The following MTM1 variants were observed in gnomAD, a reference collection of about 807,000 sequenced individuals.
MTM1 encodes the protein myotubularin.
In MTM1, 9 loss-of-function variants were observed where a neutral mutation model predicts 52.1. The ratio of observed to expected loss-of-function variants is 0.17; its 90% confidence interval spans 0.10 to 0.30. The LOEUF is 0.30. Among genes scored for constraint, MTM1 ranks in the 10% least tolerant of loss-of-function variants. MTM1 has a pLI of 1.00. For missense variants in MTM1, 277 were observed against 470.7 expected, an observed-to-expected ratio of 0.59 and a Z score of 3.81; for synonymous variants, 136 against 163.8, an observed-to-expected ratio of 0.83 and a Z score of 1.29.
At chrX:150,582,812 A>G (rs1397836618) in intron 1 of MTM1, among the ~76,000 whole-genome samples, 2 of 108,291 alleles carry the variant, frequency 1.8e-5, no homozygotes, top group Non-Finnish European at 3.8e-5. Context: ...TTGGGCCTCC[A>G]GAACTGTGAG....
intron 4 of MTM1, among the ~76,000 whole-genome samples, chrX:150,613,076 G>A (rs1314078917): frequency 6.6e-5 from 7 of 106,288 alleles, no homozygotes; most frequent in Non-Finnish European, 1.9e-5. Context: ...AGCCTGGGAC[G>A]TCAAGGCTGC....
intron 14 of MTM1, among the ~76,000 whole-genome samples, chrX:150,670,592 G>A (rs1231352674): frequency 1.8e-5 from 2 of 111,963 alleles, no homozygotes; most frequent in Non-Finnish European, 3.8e-5. Flanking sequence ...TTGGAAAAAA[G>A]AATAATAATC....
chrX:150,636,695 A>G (rs185100915), intron 6 of MTM1, among the ~76,000 whole-genome samples: 2 of 112,478 alleles, frequency 1.8e-5, no homozygotes, highest in African/African-American at 6.5e-5. Flanking sequence ...TTAAAGTGAC[A>G]GTAGAGCCTT....
intron 10 of MTM1, among the ~76,000 whole-genome samples, chrX:150,657,214 A>G (rs1226415012): frequency 1.8e-5 from 2 of 110,777 alleles, no homozygotes; most frequent in Non-Finnish European, 3.8e-5. Flanking sequence ...CAAAGACTTG[A>G]AACCAACCCA....
chrX:150,670,168 T>C (rs782118794), intron 14 of MTM1, among the ~76,000 whole-genome samples: 39 of 112,490 alleles, frequency 3.5e-4, no homozygotes, highest in Non-Finnish European at 4.9e-4. Flanking sequence ...GAGCTGAACA[T>C]CTGAAGATTT....
chrX:150,671,587 C>T lies in MTM1; in HGVS notation c.1804C>T (p.His602Tyr), dbSNP rs1300878676. The part of the protein sequence containing the change: ...PSQMMPHVQT[H>Y]F ...GCAAATGATGCCCCATGTGCAAACTCACTTCTGAGGGGGGACCCTGGCACC... is the reference window on the plus strand; with the variant it reads ...GCAAATGATGCCCCATGTGCAAACTTACTTCTGAGGGGGGACCCTGGCACC... The change falls in exon 15 of 15, where the codon CAC becomes TAC. Residue 602 changes from histidine (H) to tyrosine (Y), a missense_variant. By Grantham distance (83) the His-to-Tyr change is moderately conservative. This residue lies in a region of MTM1 where 51 missense variants were observed against 52.2 expected (regional missense o/e 0.98). Coordinates refer to ENST00000370396, the MANE Select transcript of MTM1 (RefSeq NM_000252.3). 21 of 1,209,237 alleles carry T rather than the reference C, an allele frequency of 1.7e-5. No individual in the cohort carries two copies. Among genetic ancestry groups the T allele is most frequent in the Non-Finnish European group, 2.3e-5 (21 of 895,137 alleles).
At chrX:150,661,078 G>A (rs113180630) in intron 13 of MTM1, among the ~76,000 whole-genome samples, 130 of 111,194 alleles carry the variant, frequency 1.2e-3, no homozygotes, top group African/African-American at 4.0e-3. Context: ...CTGGAGTACA[G>A]TGGCACAATC....
intron 1 of MTM1, among the ~76,000 whole-genome samples, chrX:150,579,243 G>A (rs5970450): frequency 1.1e-4 from 12 of 110,152 alleles, no homozygotes; most frequent in East Asian, 2.8e-4. Context: ...TAGTAGAGAC[G>A]GGGTTTCTCC....
intron 1 of MTM1, among the ~76,000 whole-genome samples, chrX:150,570,241 T>A (rs1603083283): frequency 1.4e-5 from 1 of 73,411 alleles, no homozygotes; most frequent in Non-Finnish European, 2.4e-5. Flanking sequence ...AATAAAAAAA[T>A]AAACAATGAT....
chrX:150,666,962 T>C (rs782410752), intron 14 of MTM1, among the ~76,000 whole-genome samples: 2 of 111,586 alleles, frequency 1.8e-5, no homozygotes, highest in African/African-American at 3.3e-5. Context: ...CCCACCACCA[T>C]GCTGGTGTGT....
chrX:150,596,462 A>T (rs782072140), intron 2 of MTM1, 36 bp from the exon 3 acceptor site: 1 of 1,094,739 alleles, frequency 9.1e-7, no homozygotes, highest in South Asian at 1.8e-5. Flanking sequence ...TGTAAATGTA[A>T]CGTCATTACT....
At chrX:150,669,801 ATTTTCTCTTATTCT>A (rs1456133524) in intron 14 of MTM1, among the ~76,000 whole-genome samples, 2 of 111,706 alleles carry the variant, frequency 1.8e-5, no homozygotes, top group East Asian at 5.6e-4. Context: ...GATTGCAAAA[ATTTTCTCTTATTCT>A]ATAGATTGCC....
At position 150,587,494 on chromosome X, in the gene MTM1, G is replaced by A. The variant is rs1295189979; in HGVS notation, c.-10-5111G>A. Among the ~76,000 whole-genome samples, 2 of 111,677 alleles carry A rather than the reference G, an allele frequency of 1.8e-5. 1 individual carries two copies. Among genetic ancestry groups the A allele is most frequent in the Admixed American group, 1.9e-4 (2 of 10,550 alleles). Reference sequence around the variant, plus strand: ...ATGTATAAAAATGAACCAAACTTCTGCTTTTGCAGATCATAGTTTATTTTC... The same window carrying A: ...ATGTATAAAAATGAACCAAACTTCTACTTTTGCAGATCATAGTTTATTTTC... On this transcript the variant is annotated intron_variant, in intron 1 of 14. Coordinates refer to ENST00000370396, the MANE Select transcript of MTM1 (RefSeq NM_000252.3).
At chrX:150,663,711 G>A (rs1557414820) in intron 14 of MTM1, 102 bp downstream of exon 14, 1 of 773,044 alleles carries the variant, frequency 1.3e-6, no homozygotes, top group African/African-American at 2.1e-5. Flanking sequence ...AAAAATATCA[G>A]ACTCTAAAAA....
chrX:150,654,295 G>A (rs1363459498), intron 10 of MTM1, among the ~76,000 whole-genome samples: 2 of 110,833 alleles, frequency 1.8e-5, no homozygotes, highest in Admixed American at 9.7e-5. Flanking sequence ...GAAGTATCTC[G>A]AGTGAGAGTT....
At chrX:150,599,912 A>T (rs782323323) in intron 4 of MTM1, among the ~76,000 whole-genome samples, 2 of 112,636 alleles carry the variant, frequency 1.8e-5, no homozygotes, top group East Asian at 2.8e-4. Context: ...CTTGGCAACA[A>T]TTGGCAAAAA....
chrX:150,576,488 T>A (rs2038474135), intron 1 of MTM1, among the ~76,000 whole-genome samples: 1 of 112,136 alleles, frequency 8.9e-6, no homozygotes, highest in Non-Finnish European at 1.9e-5. Flanking sequence ...ATAATATAAT[T>A]ATGTTCATTT....
intron 6 of MTM1, 30 bp from the exon 7 acceptor site, chrX:150,638,913 T>C (rs1557413780): frequency 9.5e-7 from 1 of 1,055,745 alleles, no homozygotes; most frequent in South Asian, 1.9e-5. Flanking sequence ...TCCTTCACGC[T>C]GAACTTTATT....
chrX:150,634,627 G>T (rs17253097), intron 6 of MTM1, among the ~76,000 whole-genome samples: 2,470 of 110,581 alleles, frequency 0.022, 28 homozygotes, highest in Middle Eastern at 0.069. Flanking sequence ...AAGTCTCCAT[G>T]TACAGTATCT....
Sources: gnomAD v4.1 joint callset for allele counts (sites outside exome capture counted in the v4.1 genomes callset) on GRCh38, gnomAD v4.1.1 for gene constraint, gnomAD v4.1.1 regional missense constraint, MANE v1.5 for transcripts, NCBI Gene and HGNC (gene_info 2026-07-23, HGNC 2026-07-21) for gene names.